NRXN3: variants seen among roughly 807,000 people sequenced by gnomAD.
The protein encoded by NRXN3 is neurexin III.
In NRXN3, 32 loss-of-function variants were observed where a neutral mutation model predicts 137.6. The observed-to-expected ratio is 0.23, with a 90% confidence interval of 0.18 to 0.31. NRXN3 has a LOEUF of 0.31. NRXN3 is among the 10% of genes least tolerant of loss of function. The probability of loss-of-function intolerance (pLI) is 1.00; values close to 1 mark genes in which losing one functional copy is unlikely to be tolerated. For synonymous variants in NRXN3, 798 were observed against 784.5 expected (o/e 1.02, Z -0.29); for missense variants, 1,574 against 2,062.5 (o/e 0.76, Z 4.59).
chr14:78,524,964 G>A (rs536345594), intron 4 of NRXN3, among the ~76,000 whole-genome samples: 2 of 152,244 alleles, frequency 1.3e-5, no homozygotes, highest in East Asian at 3.9e-4. Context: ...CATTCTGTGC[G>A]TAGCTAATCC....
intron 19 of NRXN3, among the ~76,000 whole-genome samples, chr14:79,706,199 A>C (rs1048816327): frequency 2.6e-5 from 4 of 152,142 alleles, no homozygotes; most frequent in African/African-American, 4.8e-5. Flanking sequence ...TATTTTTGTT[A>C]GCTTCCAGTC....
intron 10 of NRXN3, among the ~76,000 whole-genome samples, chr14:78,942,466 A>G (rs773049908): frequency 1.2e-4 from 18 of 152,224 alleles, no homozygotes; most frequent in Non-Finnish European, 2.4e-4. Context: ...AGTTCCTTGA[A>G]GTATTTGAAA....
At chr14:79,649,418 T>C (rs960683273) in intron 16 of NRXN3, among the ~76,000 whole-genome samples, 2 of 152,160 alleles carry the variant, frequency 1.3e-5, no homozygotes, top group Non-Finnish European at 2.9e-5. Flanking sequence ...AAAGATTTTA[T>C]TTATATTTAT....
At chr14:78,683,107 C>G (rs1468515387) in intron 6 of NRXN3, among the ~76,000 whole-genome samples, 2 of 151,806 alleles carry the variant, frequency 1.3e-5, no homozygotes, top group Non-Finnish European at 2.9e-5. Context: ...AGACTTAATA[C>G]CAAAAAAAGT....
chr14:79,664,385 A>G (rs1041502440), intron 17 of NRXN3, among the ~76,000 whole-genome samples: 3 of 152,162 alleles, frequency 2.0e-5, no homozygotes, highest in Non-Finnish European at 2.9e-5. Context: ...TAAAAGGACA[A>G]TTACTGAACT....
chr14:79,588,245 GTCTA>G (rs963341637), intron 16 of NRXN3, among the ~76,000 whole-genome samples: 5 of 152,134 alleles, frequency 3.3e-5, no homozygotes, highest in African/African-American at 1.2e-4. Flanking sequence ...ATAACCTGTG[GTCTA>G]TCTGACTACC....
At chr14:78,469,084 G>C (rs1402126746) in intron 4 of NRXN3, among the ~76,000 whole-genome samples, 1 of 152,160 alleles carries the variant, frequency 6.6e-6, no homozygotes, top group South Asian at 2.1e-4. Context: ...TCTCCACCTA[G>C]TTACACAATA....
chr14:78,673,411 G>A (rs1257511442), intron 6 of NRXN3, among the ~76,000 whole-genome samples: 1 of 152,148 alleles, frequency 6.6e-6, no homozygotes, highest in Admixed American at 6.6e-5. Flanking sequence ...TGATGCCAGC[G>A]GTGTCATCCA....
intron 14 of NRXN3, among the ~76,000 whole-genome samples, chr14:78,980,573 G>A (rs542816000): frequency 1.6e-4 from 25 of 152,274 alleles, no homozygotes; most frequent in African/African-American, 6.0e-4. Flanking sequence ...GTGTACACGT[G>A]CTGTAAGGGT....
chr14:78,259,479 C>G (rs2070316633), intron 2 of NRXN3, among the ~76,000 whole-genome samples: 1 of 152,130 alleles, frequency 6.6e-6, no homozygotes, highest in African/African-American at 2.4e-5. Context: ...AAGCTCCCCT[C>G]AAAGCCATAT....
intron 8 of NRXN3, among the ~76,000 whole-genome samples, chr14:78,755,833 T>G (rs757981270): frequency 6.6e-6 from 1 of 152,234 alleles, no homozygotes; most frequent in Non-Finnish European, 1.5e-5. Flanking sequence ...CTCAGAAAGC[T>G]TAAATTATCT....
At chr14:78,314,908 T>C (rs1454362455) in intron 4 of NRXN3, among the ~76,000 whole-genome samples, 3 of 110,912 alleles carry the variant, frequency 2.7e-5, no homozygotes, top group African/African-American at 9.5e-5. Flanking sequence ...TCTTTCTTTC[T>C]TTCTTTCTTT....
intron 4 of NRXN3, among the ~76,000 whole-genome samples, chr14:78,400,187 A>G (rs1324227742): frequency 6.6e-6 from 1 of 152,226 alleles, no homozygotes; most frequent in Non-Finnish European, 1.5e-5. Flanking sequence ...TCTCTCAGAC[A>G]TAGAAAAAAT....
chr14:79,199,819 TGGTTCAAGTAGAAA>T (rs1374056057), intron 15 of NRXN3, among the ~76,000 whole-genome samples: 1 of 152,116 alleles, frequency 6.6e-6, no homozygotes, highest in Non-Finnish European at 1.5e-5. Flanking sequence ...AATATAAATT[TGGTTCAAGTAGAAA>T]GGTTTCAAAT....
chr14:79,235,600 C>T (rs916912478), intron 15 of NRXN3, among the ~76,000 whole-genome samples: 5 of 152,180 alleles, frequency 3.3e-5, no homozygotes, highest in Non-Finnish European at 7.4e-5. Flanking sequence ...CTTGCATTCT[C>T]TCTCTACAGT....
intron 16 of NRXN3, among the ~76,000 whole-genome samples, chr14:79,584,864 A>C (rs529879149): frequency 2.0e-4 from 30 of 152,328 alleles, no homozygotes; most frequent in African/African-American, 7.0e-4. Context: ...GAGAGAGAGA[A>C]TATGAAGCCT....
intron 10 of NRXN3, among the ~76,000 whole-genome samples, chr14:78,893,348 T>G (rs571921477): frequency 1.3e-5 from 2 of 152,116 alleles, no homozygotes; most frequent in African/African-American, 2.4e-5. Context: ...TAGTCAATCT[T>G]TGGTTCAGCC....
At chr14:78,943,633 T>A (rs1308907705) in intron 10 of NRXN3, among the ~76,000 whole-genome samples, 793 of 21,700 alleles carry the variant, frequency 0.037, 56 homozygotes, top group African/African-American at 0.24. Flanking sequence ...TATATATATA[T>A]ATATATATAT....
chr14:78,978,216 T>C (rs1320409746), intron 14 of NRXN3, among the ~76,000 whole-genome samples: 2 of 152,182 alleles, frequency 1.3e-5, no homozygotes, highest in African/African-American at 2.4e-5. Flanking sequence ...AGAGTGGTTT[T>C]GATGCCTTGC....
Sources: allele counts gnomAD v4.1 joint callset (sites outside exome capture counted in the v4.1 genomes callset), GRCh38; gene constraint gnomAD v4.1.1; transcripts MANE v1.5; gene names NCBI Gene and HGNC (gene_info 2026-07-23, HGNC 2026-07-21).